Variants in ZNF385B observed in about 807,000 individuals in gnomAD.
ZNF385B encodes zinc finger protein 533.
A neutral mutation model predicts 39.2 loss-of-function variants in ZNF385B; 23 were observed. The observed-to-expected ratio is 0.59, with a 90% confidence interval of 0.42 to 0.83. ZNF385B has a LOEUF of 0.83. Among genes scored for constraint, ZNF385B ranks in the 40% least tolerant of loss-of-function variants. ZNF385B has a pLI of 0.00. For missense variants in ZNF385B, 552 were observed against 598.9 expected, an observed-to-expected ratio of 0.92 and a Z score of 0.82; for synonymous variants, 205 against 222.6, an observed-to-expected ratio of 0.92 and a Z score of 0.70.
intron 5 of ZNF385B, among the ~76,000 whole-genome samples, chr2:179,488,661 CTTAA>C (rs1426337854): frequency 6.6e-6 from 1 of 151,816 alleles, no homozygotes; most frequent in Non-Finnish European, 1.5e-5. Flanking sequence ...GAACTGTTCC[CTTAA>C]TTAAAGAAAG....
At chr2:179,476,327 T>C (rs1272441208) in intron 6 of ZNF385B, among the ~76,000 whole-genome samples, 2 of 152,160 alleles carry the variant, frequency 1.3e-5, no homozygotes, top group Admixed American at 6.5e-5. Context: ...TGTATATAAA[T>C]GTAATAAAAA....
chr2:179,729,791 TTCATGATAGTGAGTGAATTC>T (rs1041623103), intron 3 of ZNF385B, among the ~76,000 whole-genome samples: 3 of 152,164 alleles, frequency 2.0e-5, no homozygotes, highest in African/African-American at 4.8e-5. Context: ...CCAAGCTGTT[TTCATGATAGTGAGTGAATTC>T]TCATGAGATC....
chr2:179,495,562 C>T (rs2056115076), intron 5 of ZNF385B, among the ~76,000 whole-genome samples: 1 of 152,226 alleles, frequency 6.6e-6, no homozygotes, highest in East Asian at 1.9e-4. Context: ...AGACCCAGTG[C>T]TGTGCTGGCT....
chr2:179,599,404 T>C (rs1025673556), intron 3 of ZNF385B, among the ~76,000 whole-genome samples: 1 of 152,208 alleles, frequency 6.6e-6, no homozygotes, highest in South Asian at 2.1e-4. Context: ...AAATGTTTAG[T>C]TTCAACTAAT....
At chr2:179,722,381 CAT>C (rs1211472578) in intron 3 of ZNF385B, among the ~76,000 whole-genome samples, 2 of 151,996 alleles carry the variant, frequency 1.3e-5, no homozygotes, top group Non-Finnish European at 2.9e-5. Flanking sequence ...CATATTATGA[CAT>C]TGGTGTAGAG....
chr2:179,594,488 G>C (rs1167574209), intron 3 of ZNF385B, among the ~76,000 whole-genome samples: 1 of 152,110 alleles, frequency 6.6e-6, no homozygotes, highest in South Asian at 2.1e-4. Context: ...ACTCTTCTTT[G>C]TGACTACCTA....
At chr2:179,560,051 G>T (rs140187495) in intron 3 of ZNF385B, among the ~76,000 whole-genome samples, 2 of 151,834 alleles carry the variant, frequency 1.3e-5, no homozygotes, top group African/African-American at 4.8e-5. Context: ...TTCATTTAAC[G>T]TAATGTCTTC....
At chr2:179,778,782 C>T (rs1704494317) in intron 1 of ZNF385B, among the ~76,000 whole-genome samples, 1 of 151,934 alleles carries the variant, frequency 6.6e-6, no homozygotes, top group Non-Finnish European at 1.5e-5. Flanking sequence ...ATACAAACAA[C>T]ATAAAAAAGA....
intron 5 of ZNF385B, among the ~76,000 whole-genome samples, chr2:179,509,895 C>G (rs2057534020): frequency 6.6e-6 from 1 of 152,178 alleles, no homozygotes; most frequent in African/African-American, 2.4e-5. Context: ...TAATCACCTG[C>G]TGCAGAGTTC....
At chr2:179,598,395 T>C (rs967195591) in intron 3 of ZNF385B, among the ~76,000 whole-genome samples, 1 of 152,176 alleles carries the variant, frequency 6.6e-6, no homozygotes, top group African/African-American at 2.4e-5. Flanking sequence ...TAATTGTTGT[T>C]ACATTATGCA....
chr2:179,708,184 C>T (rs553803883), intron 3 of ZNF385B, among the ~76,000 whole-genome samples: 134 of 152,310 alleles, frequency 8.8e-4, no homozygotes, highest in East Asian at 5.0e-3. Context: ...CCCCACATGT[C>T]GAGGGAGGGA....
chr2:179,644,863 T>C (rs1195641502), intron 3 of ZNF385B, among the ~76,000 whole-genome samples: 1 of 145,760 alleles, frequency 6.9e-6, no homozygotes, highest in Non-Finnish European at 1.6e-5. Flanking sequence ...GTGATTTCAC[T>C]TTGTAAAACT....
At chr2:179,642,103 G>A (rs934333363) in intron 3 of ZNF385B, among the ~76,000 whole-genome samples, 3 of 151,940 alleles carry the variant, frequency 2.0e-5, no homozygotes, top group Non-Finnish European at 4.4e-5. Context: ...TGAAAACTTT[G>A]GTCTGAAAGA....
intron 1 of ZNF385B, among the ~76,000 whole-genome samples, chr2:179,855,360 A>T (rs1186560798): frequency 2.6e-5 from 4 of 152,228 alleles, no homozygotes; most frequent in Non-Finnish European, 5.9e-5. Context: ...CCAAAATAAA[A>T]TGCTCTCTTA....
chr2:179,740,645 C>T (rs1376624411), intron 3 of ZNF385B, among the ~76,000 whole-genome samples: 3 of 152,018 alleles, frequency 2.0e-5, no homozygotes, highest in African/African-American at 7.2e-5. Flanking sequence ...GTCACACAAC[C>T]AAATAGGACT....
At chr2:179,761,761 C>CTTTTTTTTTTTTTTTTTTTT (rs34325728) in intron 3 of ZNF385B, among the ~76,000 whole-genome samples, 5 of 110,288 alleles carry the variant, frequency 4.5e-5, no homozygotes, top group Admixed American at 1.0e-4. Flanking sequence ...TTTTTCTTTT[C>CTTTTTTTTTTTTTTTTTTTT]TTTTTTTTTT....
At chr2:179,493,082 T>C (rs769992381) in intron 5 of ZNF385B, among the ~76,000 whole-genome samples, 14 of 152,158 alleles carry the variant, frequency 9.2e-5, no homozygotes, top group Non-Finnish European at 1.9e-4. Flanking sequence ...GTTTCCACTT[T>C]CTGATTCTGT....
At chr2:179,521,030 C>A (rs1022465235) in intron 4 of ZNF385B, among the ~76,000 whole-genome samples, 1 of 152,100 alleles carries the variant, frequency 6.6e-6, no homozygotes, top group Non-Finnish European at 1.5e-5. Flanking sequence ...GATACATTTA[C>A]GAATATCTAG....
intron 1 of ZNF385B, among the ~76,000 whole-genome samples, chr2:179,798,789 T>C (rs1705844449): frequency 6.6e-6 from 1 of 152,120 alleles, no homozygotes; most frequent in Non-Finnish European, 1.5e-5. Context: ...TGTTACACGG[T>C]TGTTTATTTC....
Sources: gnomAD v4.1 joint callset for allele counts (sites outside exome capture counted in the v4.1 genomes callset) on GRCh38, gnomAD v4.1.1 for gene constraint, MANE v1.5 for transcripts, NCBI Gene and HGNC (gene_info 2026-07-23, HGNC 2026-07-21) for gene names.